ACACA: variants seen among roughly 807,000 people sequenced by gnomAD.
ACACA encodes the protein acetyl-CoA carboxylase 1.
ACACA carries 103 observed loss-of-function variants against 296.1 expected under a neutral mutation model. That is an observed-to-expected ratio of 0.35 (90% CI 0.30 to 0.41). The LOEUF (loss-of-function observed/expected upper bound fraction) is 0.41, where lower values mean the gene tolerates loss of function less well. Ranked by LOEUF, ACACA falls within the 10% of genes least tolerant of loss-of-function variation. The pLI, the probability that ACACA is intolerant of heterozygous loss-of-function variation, is 1.00. For synonymous variants in ACACA, 953 were observed against 1,038.6 expected (o/e 0.92, Z 1.58); for missense variants, 1,554 against 2,989.7 (o/e 0.52, Z 11.20).
rs1555668831 is a variant in ACACA, at chr17:37,380,912, T to TA, written c.38+25349dup. Among the ~76,000 whole-genome samples, 730 of 149,976 alleles carry TA rather than the reference T, an allele frequency of 4.9e-3. 5 individuals carry two copies. The highest frequency in any genetic ancestry group is 7.5e-3 in the Non-Finnish European group (509 of 67,684). The stretch of plus-strand genomic sequence containing the variant: ...TGCCTGGCCAGGTTTTTTTTTTTTT[T>TA]AATTTCATTTTGCATGCACACAGTA... On this transcript the variant is annotated intron_variant, in intron 1 of 55. Coordinates refer to ENST00000616317, the MANE Select transcript of ACACA (RefSeq NM_198834.3).
intron 3 of ACACA, among the ~76,000 whole-genome samples, chr17:37,319,903 A>T (rs868826119): frequency 6.6e-6 from 1 of 152,076 alleles, no homozygotes; most frequent in African/African-American, 2.4e-5. Context: ...GTGAGCCAAG[A>T]TCATGCCACT....
At chr17:37,313,189 GATACTGGGCTTA>G (rs2046931864) in intron 3 of ACACA, among the ~76,000 whole-genome samples, 1 of 151,990 alleles carries the variant, frequency 6.6e-6, no homozygotes, top group African/African-American at 2.4e-5. Context: ...ATAGCTAATG[GATACTGGGCTTA>G]ATACCAAGGT....
chr17:37,224,829 A>G (rs1305127422), intron 27 of ACACA, among the ~76,000 whole-genome samples, 163 bp downstream of exon 27: 1 of 152,120 alleles, frequency 6.6e-6, no homozygotes, highest in Non-Finnish European at 1.5e-5. Flanking sequence ...AAAAATATTC[A>G]TAAGTATAAA....
intron 24 of ACACA, among the ~76,000 whole-genome samples, chr17:37,238,411 G>C (rs1309598265): frequency 6.0e-5 from 9 of 150,280 alleles, no homozygotes; most frequent in Non-Finnish European, 1.2e-4. Flanking sequence ...TATATGGCTG[G>C]ATCTGTTTCT....
At chr17:37,261,227 C>G (rs2081500581) in intron 11 of ACACA, among the ~76,000 whole-genome samples, 1 of 152,172 alleles carries the variant, frequency 6.6e-6, no homozygotes, top group Non-Finnish European at 1.5e-5. Flanking sequence ...ATGAGATTAT[C>G]ACCCTGAAGC....
intron 10 of ACACA, 43 bp from the exon 11 acceptor site, chr17:37,263,937 T>A: frequency 3.9e-6 from 6 of 1,540,116 alleles, no homozygotes; most frequent in Non-Finnish European, 5.4e-6. Context: ...TTCTTAAATT[T>A]TAAACTTTTT....
At chr17:37,335,564 T>A (rs553340207) in intron 2 of ACACA, among the ~76,000 whole-genome samples, 1 of 152,168 alleles carries the variant, frequency 6.6e-6, no homozygotes, top group Non-Finnish European at 1.5e-5. Context: ...CCTATGCCCA[T>A]CTACACTGAA....
At chr17:37,275,495 C>CAAAAAA (rs34064045) in intron 8 of ACACA, among the ~76,000 whole-genome samples, 21 of 61,520 alleles carry the variant, frequency 3.4e-4, no homozygotes, top group Non-Finnish European at 5.4e-4. Flanking sequence ...GACTCCAACT[C>CAAAAAA]AAAAAAAAAA....
rs914076995 is a variant in ACACA, at chr17:37,330,431, G to A, written c.86-6C>T. The A allele has an allele frequency of 4.3e-6, 7 of 1,614,118 alleles. No homozygotes were observed. The highest frequency in any genetic ancestry group is 5.9e-6 in the Non-Finnish European group (7 of 1,180,012). ...TCCAAAATGAGCTCTTACAGCTATG[G>A]AGAAAATGAAAAGTGAGAAAGGCAG... On this transcript the variant is annotated splice_region_variant and splice_polypyrimidine_tract_variant and intron_variant, in intron 2 of 55. Transcript: ENST00000616317.
At chr17:37,098,090 C>G in intron 52 of ACACA, 106 bp from the exon 53 acceptor site, 2 of 1,385,656 alleles carry the variant, frequency 1.4e-6, no homozygotes, top group Non-Finnish European at 2.1e-6. Flanking sequence ...GCCCCCTCTT[C>G]CCTCTGTGGC....
chr17:37,219,624 A>C (rs186526348), intron 29 of ACACA, among the ~76,000 whole-genome samples: 218 of 151,546 alleles, frequency 1.4e-3, no homozygotes, highest in Non-Finnish European at 2.5e-3. Flanking sequence ...TTATAAATCC[A>C]AATTTTAACA....
chr17:37,276,925 G>T, intron 7 of ACACA, 108 bp downstream of exon 7: 1 of 937,372 alleles, frequency 1.1e-6, no homozygotes, highest in Non-Finnish European at 1.8e-6. Flanking sequence ...AAAAAAAAGA[G>T]AGAGAGAGCC....
chr17:37,101,099 A>G (rs1289360960), intron 52 of ACACA, among the ~76,000 whole-genome samples: 2 of 152,088 alleles, frequency 1.3e-5, no homozygotes, highest in East Asian at 3.9e-4. Flanking sequence ...AAAAAAAAAA[A>G]AAAAAAGGCA....
chr17:37,202,594 T>C (rs2145298063), intron 33 of ACACA, among the ~76,000 whole-genome samples: 1 of 150,022 alleles, frequency 6.7e-6, no homozygotes, highest in East Asian at 2.0e-4. Flanking sequence ...AGCATGATCA[T>C]GAAGTGAAAA....
intron 10 of ACACA, among the ~76,000 whole-genome samples, chr17:37,266,425 A>C (rs1013309313): frequency 1.4e-4 from 21 of 152,044 alleles, no homozygotes; most frequent in African/African-American, 3.4e-4. Context: ...AGAAAACAAA[A>C]AAAAAAAAGA....
At chr17:37,159,055 G>A (rs1304544610) in intron 42 of ACACA, among the ~76,000 whole-genome samples, 1 of 151,760 alleles carries the variant, frequency 6.6e-6, no homozygotes, top group Non-Finnish European at 1.5e-5. Context: ...GTGTGCGCCT[G>A]TAGTCCCAGC....
intron 42 of ACACA, chr17:37,161,576 TG>T (rs2076464111): frequency 7.7e-6 from 5 of 645,452 alleles, no homozygotes; most frequent in Non-Finnish European, 1.0e-5. Context: ...GTTTTATAGA[TG>T]GAAGAAAAAC....
chr17:37,281,603 T>G (rs887887758), intron 5 of ACACA, among the ~76,000 whole-genome samples: 1 of 152,134 alleles, frequency 6.6e-6, no homozygotes, highest in African/African-American at 2.4e-5. Context: ...CGCAGTGGCT[T>G]ACACCTGTAA....
At chr17:37,144,747 C>A (rs949847604) in intron 45 of ACACA, among the ~76,000 whole-genome samples, 14 of 152,120 alleles carry the variant, frequency 9.2e-5, no homozygotes, top group African/African-American at 3.4e-4. Flanking sequence ...CACATAACTT[C>A]TTTTTTCCTG....
Sources: allele counts gnomAD v4.1 joint callset (sites outside exome capture counted in the v4.1 genomes callset), GRCh38; gene constraint gnomAD v4.1.1; transcripts MANE v1.5; gene names NCBI Gene and HGNC (gene_info 2026-07-23, HGNC 2026-07-21).